The following CAMK1D variants were observed in gnomAD, a reference collection of about 807,000 sequenced individuals.
The protein encoded by CAMK1D is calcium/calmodulin dependent protein kinase ID.
In CAMK1D, 9 loss-of-function variants were observed where a neutral mutation model predicts 47.7. The observed-to-expected ratio is 0.19, with a 90% CI of 0.11 to 0.33. The LOEUF (loss-of-function observed/expected upper bound fraction) is 0.33, where lower values mean the gene tolerates loss of function less well. Ranked by LOEUF, CAMK1D falls within the 10% of genes least tolerant of loss-of-function variation. CAMK1D has a pLI of 1.00. For missense variants in CAMK1D, 291 were observed against 488.7 expected (o/e 0.60, Z 3.81); for synonymous variants, 184 against 184.9 (o/e 0.99, Z 0.04).
At chr10:12,785,841 G>C (rs954577691) in intron 5 of CAMK1D, among the ~76,000 whole-genome samples, 2 of 152,180 alleles carry the variant, frequency 1.3e-5, no homozygotes, top group Non-Finnish European at 2.9e-5. Flanking sequence ...AAATGGATGG[G>C]TTGGGGGCTA....
chr10:12,741,283 G>A (rs1364717584), intron 3 of CAMK1D, among the ~76,000 whole-genome samples: 1 of 152,172 alleles, frequency 6.6e-6, no homozygotes, highest in East Asian at 1.9e-4. Context: ...GCTTAGCAGA[G>A]ACCACATGCT....
At chr10:12,670,124 T>C (rs1444749136) in intron 3 of CAMK1D, among the ~76,000 whole-genome samples, 2 of 123,864 alleles carry the variant, frequency 1.6e-5, no homozygotes, top group Non-Finnish European at 1.6e-5. Flanking sequence ...TGTACCGTTT[T>C]GCTTTTTTTT....
intron 2 of CAMK1D, among the ~76,000 whole-genome samples, chr10:12,555,273 C>G (rs1426006540): frequency 6.6e-6 from 1 of 152,202 alleles, no homozygotes; most frequent in Non-Finnish European, 1.5e-5. Context: ...ATCATTTGCA[C>G]AAACCCAGCA....
intron 3 of CAMK1D, among the ~76,000 whole-genome samples, chr10:12,735,483 AAAAAG>A (rs2130827597): frequency 6.6e-6 from 1 of 152,326 alleles, no homozygotes; most frequent in African/African-American, 2.4e-5. Flanking sequence ...GTCTCAAAAA[AAAAAG>A]AAAAGAAAGT....
At chr10:12,813,864 A>T (rs1279663704) in intron 6 of CAMK1D, among the ~76,000 whole-genome samples, 2 of 150,796 alleles carry the variant, frequency 1.3e-5, no homozygotes, top group Non-Finnish European at 3.0e-5. Flanking sequence ...AGGCTCAAGG[A>T]TTCTCCCTTG....
intron 2 of CAMK1D, among the ~76,000 whole-genome samples, chr10:12,615,824 ATGTG>A (rs923268010): frequency 2.0e-5 from 3 of 148,738 alleles, no homozygotes; most frequent in Admixed American, 6.7e-5. Context: ...GTATAGGTAT[ATGTG>A]TGCGTTCGTG....
At chr10:12,438,831 C>T (rs10082393) in intron 1 of CAMK1D, among the ~76,000 whole-genome samples, 1 of 152,170 alleles carries the variant, frequency 6.6e-6, no homozygotes, top group Non-Finnish European at 1.5e-5. Context: ...AGTTAATGGT[C>T]TTGATTTTAG....
chr10:12,436,431 T>C (rs1018267374), intron 1 of CAMK1D, among the ~76,000 whole-genome samples: 1 of 152,184 alleles, frequency 6.6e-6, no homozygotes, highest in Non-Finnish European at 1.5e-5. Flanking sequence ...TCGAAGGAAA[T>C]CTAGGAAGCT....
At chr10:12,579,396 T>C (rs1837594850) in intron 2 of CAMK1D, among the ~76,000 whole-genome samples, 1 of 152,190 alleles carries the variant, frequency 6.6e-6, no homozygotes, top group Non-Finnish European at 1.5e-5. Context: ...TCATCCATCA[T>C]GTATTACTTA....
intron 2 of CAMK1D, among the ~76,000 whole-genome samples, chr10:12,589,539 A>G (rs1837934694): frequency 6.6e-6 from 1 of 152,224 alleles, no homozygotes; most frequent in Non-Finnish European, 1.5e-5. Context: ...GGATGATACC[A>G]GCAGAGCTGC....
chr10:12,553,114 A>G, intron 1 of CAMK1D, 111 bp from the exon 2 acceptor site: 1 of 1,568,272 alleles, frequency 6.4e-7, no homozygotes, highest in South Asian at 1.2e-5. Flanking sequence ...AGTAATGCTT[A>G]CAACTGTGCC....
At chr10:12,519,355 AC>A (rs1333172074) in intron 1 of CAMK1D, among the ~76,000 whole-genome samples, 10 of 15,038 alleles carry the variant, frequency 6.6e-4, no homozygotes, top group Non-Finnish European at 7.4e-4. Context: ...CGGGGGGCTG[AC>A]CCCCCCACCT....
intron 1 of CAMK1D, among the ~76,000 whole-genome samples, chr10:12,435,191 C>T (rs944657422): frequency 2.1e-5 from 3 of 140,114 alleles, no homozygotes; most frequent in Non-Finnish European, 4.5e-5. Context: ...CCACTGCACT[C>T]CGGCATGGGC....
intron 3 of CAMK1D, among the ~76,000 whole-genome samples, chr10:12,753,387 A>AG (rs1836077677): frequency 6.6e-6 from 1 of 152,232 alleles, no homozygotes. Context: ...GGGCTATGCC[A>AG]TGTCAGTGAC....
At chr10:12,459,751 G>A (rs1447002860) in intron 1 of CAMK1D, among the ~76,000 whole-genome samples, 1 of 152,122 alleles carries the variant, frequency 6.6e-6, no homozygotes, top group African/African-American at 2.4e-5. Context: ...AAATTTTTAC[G>A]ATGAAATGAT....
chr10:12,829,314 A>C lies in CAMK1D; in HGVS notation c.*427A>C, dbSNP rs1833375954. ...TTAGGGTTTGTTTTTCCTTTTAAGA[A>C]GTATGTCCTTTGTATCTCTAAGTTA... On this transcript the variant is annotated 3_prime_UTR_variant, in exon 11 of 11. Coordinates refer to ENST00000619168, the MANE Select transcript of CAMK1D (RefSeq NM_153498.4). 2 of 154,320 alleles carry C rather than the reference A, an allele frequency of 1.3e-5. No homozygotes were observed. The highest frequency in any genetic ancestry group is 2.9e-5 in the Non-Finnish European group (2 of 69,272). 9.6% of individuals were successfully genotyped at this position (154,320 alleles called of 1,614,324 possible). A position where few individuals can be genotyped will look rare whatever the true frequency, so the allele number is the denominator to read the frequency against.
At chr10:12,669,709 A>G (rs1840549927) in intron 3 of CAMK1D, among the ~76,000 whole-genome samples, 1 of 152,160 alleles carries the variant, frequency 6.6e-6, no homozygotes. Context: ...TCATGACCCT[A>G]GTCAACCAGT....
intron 6 of CAMK1D, among the ~76,000 whole-genome samples, chr10:12,798,458 G>A (rs1838286303): frequency 6.6e-6 from 1 of 152,190 alleles, no homozygotes; most frequent in African/African-American, 2.4e-5. Flanking sequence ...CCTGAAATGG[G>A]AGGGAGGTGG....
chr10:12,765,634 G>A (rs78686263), intron 4 of CAMK1D, among the ~76,000 whole-genome samples: 13,351 of 152,202 alleles, frequency 0.088, 837 homozygotes, highest in East Asian at 0.31. Context: ...TCATTGTCTG[G>A]GGTGATACCC....
Sources: allele counts gnomAD v4.1 joint callset (sites outside exome capture counted in the v4.1 genomes callset), GRCh38; gene constraint gnomAD v4.1.1; transcripts MANE v1.5; gene names NCBI Gene and HGNC (gene_info 2026-07-23, HGNC 2026-07-21).